TMEM135: variants seen among roughly 807,000 people sequenced by gnomAD.
TMEM135 encodes transmembrane protein 135.
TMEM135 carries 30 observed loss-of-function variants against 60.3 expected under a neutral mutation model. That is an observed-to-expected ratio of 0.50 (90% CI 0.37 to 0.68). TMEM135 has a LOEUF of 0.68. Ranked by LOEUF, TMEM135 falls within the 30% of genes least tolerant of loss-of-function variation. TMEM135 has a pLI of 0.00. For synonymous variants in TMEM135, 190 were observed against 186.7 expected (o/e 1.02, Z -0.14); for missense variants, 468 against 548.8 (o/e 0.85, Z 1.47).
chr11:87,241,381 A>G (rs142076911), intron 6 of TMEM135, among the ~76,000 whole-genome samples: 1,523 of 152,200 alleles, frequency 0.01, 11 homozygotes, highest in Non-Finnish European at 0.016. Context: ...TTATAGGTAT[A>G]TAGTAGGTGT....
At chr11:87,205,847 T>C (rs952303375) in intron 5 of TMEM135, among the ~76,000 whole-genome samples, 1 of 152,188 alleles carries the variant, frequency 6.6e-6, no homozygotes, top group Admixed American at 6.5e-5. Context: ...CCCAACATGC[T>C]ACTGGTCAGA....
At chr11:87,168,920 A>T (rs1403819365) in intron 5 of TMEM135, among the ~76,000 whole-genome samples, 7 of 152,074 alleles carry the variant, frequency 4.6e-5, no homozygotes, top group African/African-American at 1.4e-4. Flanking sequence ...TCCCACTATT[A>T]TTGTGTGGGA....
At chr11:87,260,422 G>A (rs1172348972) in intron 6 of TMEM135, among the ~76,000 whole-genome samples, 1 of 152,148 alleles carries the variant, frequency 6.6e-6, no homozygotes, top group Non-Finnish European at 1.5e-5. Flanking sequence ...CTACTGATAT[G>A]AAACACGTAG....
intron 6 of TMEM135, among the ~76,000 whole-genome samples, chr11:87,260,368 G>T (rs544087477): frequency 4.6e-5 from 7 of 152,236 alleles, no homozygotes; most frequent in Admixed American, 3.9e-4. Context: ...TCTTATGAAA[G>T]ATAAGGCTTT....
Position 87,325,433 on chromosome 11 carries a change from G to A in TMEM135, c.*4100G>A, listed in dbSNP as rs1942897869. On this transcript the variant is annotated 3_prime_UTR_variant, in exon 15 of 15. Coordinates refer to ENST00000305494, the MANE Select transcript of TMEM135 (RefSeq NM_022918.4). Reference sequence around the variant, plus strand: ...GAAGAAAATGATTGACTTTTGGTTGGAGGAAAGAATTTATATCTGGTCTTT... The same window carrying A: ...GAAGAAAATGATTGACTTTTGGTTGAAGGAAAGAATTTATATCTGGTCTTT... The A allele has an allele frequency of 2.2e-6, 1 of 453,906 alleles. No homozygotes were observed. Among genetic ancestry groups the A allele is most frequent in the African/African-American group, 2.0e-5 (1 of 49,966 alleles). The allele number at this position is 453,906 out of a possible 1,614,324, so 28.1% of individuals were successfully genotyped here.
intron 4 of TMEM135, among the ~76,000 whole-genome samples, chr11:87,103,066 T>A (rs1482201578): frequency 1.3e-5 from 2 of 152,162 alleles, no homozygotes; most frequent in Non-Finnish European, 2.9e-5. Context: ...TAACTTAGCA[T>A]AATGTCTTCC....
At chr11:87,310,631 A>C (rs1942625209) in intron 10 of TMEM135, among the ~76,000 whole-genome samples, 1 of 151,842 alleles carries the variant, frequency 6.6e-6, no homozygotes, top group Non-Finnish European at 1.5e-5. Flanking sequence ...AATTAAAAAA[A>C]AAAAAAAAGG....
chr11:87,126,477 A>G (rs1295990564), intron 4 of TMEM135, among the ~76,000 whole-genome samples: 1 of 151,968 alleles, frequency 6.6e-6, no homozygotes, highest in Non-Finnish European at 1.5e-5. Flanking sequence ...AAACAATTAC[A>G]TTAACTTTCT....
intron 5 of TMEM135, among the ~76,000 whole-genome samples, chr11:87,166,278 T>G (rs945376792): frequency 4.6e-5 from 7 of 151,850 alleles, no homozygotes; most frequent in Non-Finnish European, 4.4e-5. Flanking sequence ...TGATGATAGT[T>G]TATTTTGCTG....
chr11:87,059,974 TGC>T (rs1949930945), intron 1 of TMEM135, among the ~76,000 whole-genome samples: 1 of 152,086 alleles, frequency 6.6e-6, no homozygotes, highest in Non-Finnish European at 1.5e-5. Context: ...ATTAGCTGGG[TGC>T]AGTGGCACAT....
chr11:87,060,251 T>G (rs1305395656), intron 1 of TMEM135, among the ~76,000 whole-genome samples: 1 of 152,256 alleles, frequency 6.6e-6, no homozygotes. Flanking sequence ...TTGTGAATGT[T>G]GTTTTTCCAT....
intron 9 of TMEM135, among the ~76,000 whole-genome samples, 185 bp from the exon 10 acceptor site, chr11:87,309,320 A>C (rs1377695751): frequency 6.6e-6 from 1 of 152,024 alleles, no homozygotes; most frequent in Non-Finnish European, 1.5e-5. Flanking sequence ...CCAAGATTTC[A>C]CTCTTATTTT....
chr11:87,173,162 A>C (rs1483032738), intron 5 of TMEM135, among the ~76,000 whole-genome samples: 1 of 152,124 alleles, frequency 6.6e-6, no homozygotes, highest in Non-Finnish European at 1.5e-5. Context: ...TACCTCAGGA[A>C]AAAATGTAAG....
At position 87,046,381 on chromosome 11, in the gene TMEM135, AAAAC is replaced by A. The variant is rs869069751; in HGVS notation, c.141+8211_141+8214del. Among the ~76,000 whole-genome samples the A allele has an allele frequency of 1.5e-4, 23 of 152,356 alleles. 1 individual carries two copies. The highest frequency in any genetic ancestry group is 1.9e-4 in the East Asian group (1 of 5,184). On this transcript the variant is annotated intron_variant, in intron 1 of 14. Coordinates refer to ENST00000305494, the MANE Select transcript of TMEM135 (RefSeq NM_022918.4). ...GAGACGGAGCGAGACTGTGTCTCAAAAAACAAACAAACAAACAAATAAACAAACA... is the reference window on the plus strand; with the variant it reads ...GAGACGGAGCGAGACTGTGTCTCAAAAAACAAACAAACAAATAAACAAACA...
intron 6 of TMEM135, among the ~76,000 whole-genome samples, chr11:87,247,752 G>A (rs372931554): frequency 5.5e-4 from 84 of 152,192 alleles, no homozygotes; most frequent in Middle Eastern, 3.4e-3. Flanking sequence ...TCCAGGTGCC[G>A]TCTGTCACCC....
Position 87,164,612 on chromosome 11 carries a change from C to G in TMEM135, c.462+7206C>G, listed in dbSNP as rs945739089. On this transcript the variant is annotated intron_variant, in intron 5 of 14. Transcript: ENST00000305494. ...TAGCTTGATGGGGATGGCATTGAATCTGTAAATTACCTTGGGCAGTATGGC... is the reference window on the plus strand; with the variant it reads ...TAGCTTGATGGGGATGGCATTGAATGTGTAAATTACCTTGGGCAGTATGGC... 2.9e-3 allele frequency among the ~76,000 whole-genome samples: 280 copies of G among 95,098 alleles called. 63 individuals are homozygous for G. Among genetic ancestry groups the G allele is most frequent in the Non-Finnish European group, 4.2e-3 (217 of 51,374 alleles). 62.4% of individuals were successfully genotyped at this position (95,098 alleles called of 152,430 possible).
At chr11:87,064,504 A>T (rs887370053) in intron 1 of TMEM135, among the ~76,000 whole-genome samples, 2 of 152,148 alleles carry the variant, frequency 1.3e-5, no homozygotes, top group African/African-American at 2.4e-5. Flanking sequence ...TTTTATAGCT[A>T]TACTCACTTC....
intron 5 of TMEM135, among the ~76,000 whole-genome samples, chr11:87,200,077 A>G (rs1440910938): frequency 6.6e-6 from 1 of 152,228 alleles, no homozygotes; most frequent in Non-Finnish European, 1.5e-5. Context: ...TTTCATTAAT[A>G]ATTGTTAAAA....
Position 87,302,400 on chromosome 11 carries a change from G to A in TMEM135, c.656G>A (p.Arg219Lys), listed in dbSNP as rs1233161627. 2 of 1,613,864 alleles carry A rather than the reference G, an allele frequency of 1.2e-6. No individual in the cohort carries two copies. The highest frequency in any genetic ancestry group is 3.3e-5 in the Admixed American group (2 of 60,024). The change falls in exon 8 of 15, where the codon AGA becomes AAA. Residue 219 changes from arginine to lysine, a missense_variant. Physicochemically the swap from Arg to Lys is conservative, Grantham distance 26. Transcript: ENST00000305494. The part of the protein sequence containing the change: ...KREQHEEKPG[R>K]MNMIGLVRKF... ...GAGCAACATGAGGAAAAACCCGGAA[G>A]AATGAATATGATTGGTCTAGTCAGG...
Sources: gnomAD v4.1 joint callset for allele counts (sites outside exome capture counted in the v4.1 genomes callset) on GRCh38, gnomAD v4.1.1 for gene constraint, MANE v1.5 for transcripts, NCBI Gene and HGNC (gene_info 2026-07-23, HGNC 2026-07-21) for gene names.